The following MYO1D variants were observed in gnomAD, a reference collection of about 807,000 sequenced individuals.
MYO1D encodes the protein unconventional myosin-Id.
Under a neutral mutation model 122.0 loss-of-function variants are expected in MYO1D, and 83 were observed. The ratio of observed to expected loss-of-function variants is 0.68; its 90% CI spans 0.57 to 0.82. The LOEUF (loss-of-function observed/expected upper bound fraction) is 0.82, where lower values mean the gene tolerates loss of function less well. Ranked by LOEUF, MYO1D falls within the 40% of genes least tolerant of loss-of-function variation. The pLI is 0.00. For synonymous variants in MYO1D, 464 were observed against 446.9 expected (o/e 1.04, Z -0.48); for missense variants, 1,157 against 1,269.5 (o/e 0.91, Z 1.35).
chr17:32,503,781 C>T (rs1909403443), intron 21 of MYO1D, among the ~76,000 whole-genome samples: 1 of 152,240 alleles, frequency 6.6e-6, no homozygotes, highest in African/African-American at 2.4e-5. Flanking sequence ...ACAACAGCTA[C>T]TGACTGGAGC....
intron 21 of MYO1D, among the ~76,000 whole-genome samples, chr17:32,540,424 C>T (rs1367086887): frequency 4.0e-5 from 6 of 150,078 alleles, no homozygotes; most frequent in Non-Finnish European, 5.9e-5. Context: ...TGTATCTAGA[C>T]TACATAAAGA....
intron 1 of MYO1D, among the ~76,000 whole-genome samples, chr17:32,817,481 C>T (rs543493602): frequency 3.5e-4 from 54 of 152,266 alleles, no homozygotes; most frequent in Non-Finnish European, 6.6e-4. Flanking sequence ...CATAAAATGA[C>T]TGCAGTTTAA....
At chr17:32,836,517 G>A (rs902363470) in intron 1 of MYO1D, among the ~76,000 whole-genome samples, 1 of 152,080 alleles carries the variant, frequency 6.6e-6, no homozygotes, top group Non-Finnish European at 1.5e-5. Flanking sequence ...CTTCTATGAC[G>A]ATCAGTCACT....
chr17:32,737,989 C>T (rs552739519), intron 14 of MYO1D, among the ~76,000 whole-genome samples: 15 of 152,350 alleles, frequency 9.8e-5, no homozygotes, highest in Admixed American at 8.5e-4. Flanking sequence ...ATATATTTTT[C>T]AAATCCAAGA....
At chr17:32,619,619 A>T (rs1158149168) in intron 20 of MYO1D, among the ~76,000 whole-genome samples, 1 of 152,200 alleles carries the variant, frequency 6.6e-6, no homozygotes, top group Non-Finnish European at 1.5e-5. Context: ...AATTACACGT[A>T]ACCATTGATT....
chr17:32,775,142 TA>T (rs998863115), intron 4 of MYO1D, among the ~76,000 whole-genome samples: 2 of 149,120 alleles, frequency 1.3e-5, no homozygotes, highest in African/African-American at 2.5e-5. Flanking sequence ...CTCTACAAAA[TA>T]AAAAAAAAAT....
chr17:32,742,880 T>C (rs1026173558), intron 13 of MYO1D, among the ~76,000 whole-genome samples: 2 of 152,214 alleles, frequency 1.3e-5, no homozygotes, highest in African/African-American at 4.8e-5. Flanking sequence ...CTGTATTCCC[T>C]TGAGCTCACA....
intron 16 of MYO1D, among the ~76,000 whole-genome samples, chr17:32,693,452 C>A (rs1027791649): frequency 1.3e-5 from 2 of 151,574 alleles, no homozygotes; most frequent in Non-Finnish European, 2.9e-5. Flanking sequence ...AGTGGGGGCT[C>A]AATTGAAAGG....
intron 16 of MYO1D, among the ~76,000 whole-genome samples, chr17:32,665,739 C>T (rs1434404719): frequency 6.6e-6 from 1 of 152,202 alleles, no homozygotes; most frequent in Non-Finnish European, 1.5e-5. Context: ...CGTTGGCCCT[C>T]CACTCTCACT....
intron 1 of MYO1D, among the ~76,000 whole-genome samples, chr17:32,872,458 T>C (rs567301218): frequency 6.6e-6 from 1 of 151,912 alleles, no homozygotes; most frequent in East Asian, 2.0e-4. Flanking sequence ...GTATTTTTAG[T>C]AGAGACAGAG....
intron 21 of MYO1D, among the ~76,000 whole-genome samples, chr17:32,562,160 A>G (rs1309851890): frequency 6.6e-6 from 1 of 151,702 alleles, no homozygotes; most frequent in African/African-American, 2.4e-5. Flanking sequence ...TGGGCTAAGT[A>G]AGTTTTTGTA....
chr17:32,594,026 C>T (rs534809163), intron 21 of MYO1D, among the ~76,000 whole-genome samples: 2 of 152,230 alleles, frequency 1.3e-5, no homozygotes, highest in East Asian at 1.9e-4. Flanking sequence ...ATGGACTCTT[C>T]GGGGCTCCTT....
rs948334713 is a variant in MYO1D at position 32,599,928 on chromosome 17, T to C, written c.2864+5159A>G. 3.3e-5 allele frequency among the ~76,000 whole-genome samples: 5 copies of C among 152,206 alleles called. No homozygotes were observed. The East Asian group carries it at 9.6e-4, about 29-fold the overall frequency. On this transcript the variant is annotated intron_variant, in intron 21 of 21. Transcript: ENST00000318217. ...TCGGCCTCCAAAAGTGTTGGGATTA[T>C]AGGCGTGAGCCACTGTGCCTGGCCA...
chr17:32,511,917 A>G (rs1022326005), intron 21 of MYO1D, among the ~76,000 whole-genome samples: 4 of 152,130 alleles, frequency 2.6e-5, no homozygotes, highest in Admixed American at 2.6e-4. Context: ...TGGATAGAGG[A>G]GTTAACAGGA....
chr17:32,853,195 C>T (rs973958625), intron 1 of MYO1D, among the ~76,000 whole-genome samples: 3 of 152,316 alleles, frequency 2.0e-5, no homozygotes, highest in Admixed American at 6.5e-5. Flanking sequence ...CTCTGTGTCT[C>T]TCTTCCCACT....
rs564203820 is a variant in MYO1D, at chr17:32,565,558, C to T, written c.2864+39529G>A. On this transcript the variant is annotated intron_variant, in intron 21 of 21. Transcript: ENST00000318217. ...CAGGAGTGGCCAGTCTTCATATGGC[C>T]GGTGACATAATTGCTAAGTAGGCTG... Among the ~76,000 whole-genome samples, 9 of 152,252 alleles carry T rather than the reference C, an allele frequency of 5.9e-5. No homozygotes were observed. In the East Asian group the frequency reaches 1.5e-3, roughly 26 times the overall value.
At chr17:32,650,346 C>T (rs2088372010) in intron 19 of MYO1D, among the ~76,000 whole-genome samples, 1 of 152,062 alleles carries the variant, frequency 6.6e-6, no homozygotes, top group Non-Finnish European at 1.5e-5. Flanking sequence ...TGGTATTGAG[C>T]AATTTAGTTA....
chr17:32,670,995 T>G (rs950564913), intron 16 of MYO1D, among the ~76,000 whole-genome samples: 2 of 152,144 alleles, frequency 1.3e-5, no homozygotes, highest in Non-Finnish European at 2.9e-5. Flanking sequence ...AGCCACCCCA[T>G]AGAAGAGAAG....
Position 32,797,003 on chromosome 17 carries a change from G to A in MYO1D, c.96-16219C>T, listed in dbSNP as rs1227024965. On this transcript the variant is annotated intron_variant, in intron 1 of 21. Coordinates refer to ENST00000318217, the MANE Select transcript of MYO1D (RefSeq NM_015194.3). ...GTTTTTTTTTTTGAGATGGAGTGTCGTTCTATCACCAGGCTAGAGTACAGT... is the reference window on the plus strand; with the variant it reads ...GTTTTTTTTTTTGAGATGGAGTGTCATTCTATCACCAGGCTAGAGTACAGT... Among the ~76,000 whole-genome samples, 5 of 150,982 alleles carry A rather than the reference G, an allele frequency of 3.3e-5. 1 individual carries two copies. Among genetic ancestry groups the A allele is most frequent in the South Asian group, 4.2e-4 (2 of 4,792 alleles).
Sources: allele counts gnomAD v4.1 joint callset (sites outside exome capture counted in the v4.1 genomes callset), GRCh38; gene constraint gnomAD v4.1.1; transcripts MANE v1.5; gene names NCBI Gene and HGNC (gene_info 2026-07-23, HGNC 2026-07-21).